HOOK3: variants seen among roughly 807,000 people sequenced by gnomAD.
The protein encoded by HOOK3 is protein Hook homolog 3.
Under a neutral mutation model 116.3 loss-of-function variants are expected in HOOK3, and 24 were observed. The observed-to-expected ratio is 0.21, with a 90% CI of 0.15 to 0.29. HOOK3 has a LOEUF of 0.29. Ranked by LOEUF, HOOK3 falls within the 10% of genes least tolerant of loss-of-function variation. The pLI, the probability that HOOK3 is intolerant of heterozygous loss-of-function variation, is 1.00. For synonymous variants in HOOK3, 275 were observed against 283.0 expected (o/e 0.97, Z 0.28); for missense variants, 632 against 830.2 (o/e 0.76, Z 2.93).
At chr8:42,997,410 A>C in intron 15 of HOOK3, 140 bp from the exon 16 acceptor site, 1 of 590,602 alleles carries the variant, frequency 1.7e-6, no homozygotes. Flanking sequence ...CACTCATGAC[A>C]TTAGGCCACT....
At chr8:42,903,287 C>G (rs1388280908) in intron 1 of HOOK3, among the ~76,000 whole-genome samples, 1 of 151,128 alleles carries the variant, frequency 6.6e-6, no homozygotes, top group Non-Finnish European at 1.5e-5. Context: ...ACCTGCAAAA[C>G]TCTCCTGTAT....
intron 5 of HOOK3, among the ~76,000 whole-genome samples, chr8:42,947,959 G>T (rs1450198924): frequency 6.6e-6 from 1 of 152,112 alleles, no homozygotes; most frequent in Non-Finnish European, 1.5e-5. Context: ...GCATCTGCTA[G>T]GGATGTTGAC....
At chr8:42,936,726 C>T (rs28840077) in intron 4 of HOOK3, among the ~76,000 whole-genome samples, 4,705 of 152,256 alleles carry the variant, frequency 0.031, 266 homozygotes, top group African/African-American at 0.11. Context: ...AGCCTTACAT[C>T]CCAGGGATGA....
chr8:42,909,249 C>G (rs1407635052), intron 2 of HOOK3, among the ~76,000 whole-genome samples: 1 of 152,106 alleles, frequency 6.6e-6, no homozygotes, highest in Non-Finnish European at 1.5e-5. Context: ...GTACAAAAAG[C>G]TAAAAATAGA....
At chr8:42,931,679 G>A (rs1426079493) in intron 4 of HOOK3, among the ~76,000 whole-genome samples, 4 of 151,550 alleles carry the variant, frequency 2.6e-5, no homozygotes, top group Admixed American at 1.3e-4. Flanking sequence ...TGATCTGCCC[G>A]CCTCGGCCTC....
chr8:43,029,491 A>G lies in HOOK3; in HGVS notation c.*10993A>G, dbSNP rs1404999544. The G allele has an allele frequency of 5.5e-6, 1 of 181,486 alleles. No homozygotes were observed. The highest frequency in any genetic ancestry group is 2.4e-5 in the African/African-American group (1 of 42,412). The allele number at this position is 181,486 out of a possible 1,614,324, so 11.2% of individuals were successfully genotyped here. ...ACAGCCTTAGTTATTTATAATTCAA[A>G]TGCACTAAAATATCATCGCTGTCAT... On this transcript the variant is annotated 3_prime_UTR_variant, in exon 22 of 22. Coordinates refer to ENST00000307602, the MANE Select transcript of HOOK3 (RefSeq NM_032410.4).
intron 18 of HOOK3, among the ~76,000 whole-genome samples, 162 bp downstream of exon 18, chr8:43,008,091 T>C (rs556209943): frequency 6.6e-6 from 1 of 152,230 alleles, no homozygotes; most frequent in African/African-American, 2.4e-5. Flanking sequence ...CGATTTTGGC[T>C]CACTGCAAGC....
intron 21 of HOOK3, among the ~76,000 whole-genome samples, chr8:43,017,506 T>C: frequency 6.6e-6 from 1 of 152,220 alleles, no homozygotes; most frequent in Non-Finnish European, 1.5e-5. Flanking sequence ...CCTCAAGTGA[T>C]CTTCCCACCT....
chr8:42,912,198 A>G (rs1345067796), intron 2 of HOOK3, among the ~76,000 whole-genome samples: 1 of 152,190 alleles, frequency 6.6e-6, no homozygotes, highest in Non-Finnish European at 1.5e-5. Flanking sequence ...TGAGCTGACA[A>G]GTGAGAAGCT....
chr8:42,994,170 C>G (rs571966389), intron 15 of HOOK3, among the ~76,000 whole-genome samples: 28 of 152,162 alleles, frequency 1.8e-4, no homozygotes, highest in African/African-American at 6.3e-4. Flanking sequence ...CGTGCACCAC[C>G]ACCCCCGGCT....
chr8:42,937,508 C>A (rs1443464212), intron 4 of HOOK3, among the ~76,000 whole-genome samples: 1 of 152,102 alleles, frequency 6.6e-6, no homozygotes, highest in African/African-American at 2.4e-5. Context: ...ATCTTTCCTG[C>A]TTTCTCCTAT....
intron 17 of HOOK3, among the ~76,000 whole-genome samples, chr8:43,003,156 C>T (rs798827): frequency 6.6e-6 from 1 of 152,016 alleles, no homozygotes; most frequent in South Asian, 2.1e-4. Flanking sequence ...AGTGTTACAA[C>T]TTTACACTGT....
At chr8:43,011,841 C>T (rs145136951) in intron 19 of HOOK3, among the ~76,000 whole-genome samples, 25 of 152,180 alleles carry the variant, frequency 1.6e-4, no homozygotes, top group Non-Finnish European at 2.1e-4. Flanking sequence ...ATCACATCAC[C>T]GCACTCCAGC....
chr8:42,986,609 C>T, intron 14 of HOOK3, 46 bp from the exon 15 acceptor site: 1 of 1,500,966 alleles, frequency 6.7e-7, no homozygotes, highest in East Asian at 2.3e-5. Flanking sequence ...ATTAATGCAC[C>T]AAATGACTGT....
At chr8:42,920,816 T>C (rs1308173375) in intron 2 of HOOK3, among the ~76,000 whole-genome samples, 3 of 152,350 alleles carry the variant, frequency 2.0e-5, no homozygotes, top group South Asian at 2.1e-4. Context: ...AACATAAGGA[T>C]AATAATACCT....
At chr8:42,952,659 C>CCTAT (rs1326679493) in intron 6 of HOOK3, among the ~76,000 whole-genome samples, 1 of 152,210 alleles carries the variant, frequency 6.6e-6, no homozygotes, top group Non-Finnish European at 1.5e-5. Flanking sequence ...AAAGACAACT[C>CCTAT]CTATCTCTAG....
chr8:43,008,728 CG>C (rs1809545146), intron 18 of HOOK3, among the ~76,000 whole-genome samples: 1 of 144,228 alleles, frequency 6.9e-6, no homozygotes, highest in African/African-American at 2.6e-5. Flanking sequence ...GGCGGGATCT[CG>C]GCTCACTGCA....
At chr8:42,908,900 AAGC>A (rs1266930024) in intron 2 of HOOK3, among the ~76,000 whole-genome samples, 1 of 152,230 alleles carries the variant, frequency 6.6e-6, no homozygotes, top group East Asian at 1.9e-4. Context: ...AAATATTTGC[AAGC>A]CATACATCTA....
In HOOK3 at chr8:42,930,179, A is replaced by G; in HGVS notation, c.267+7A>G. The G allele has an allele frequency of 6.5e-7, 1 of 1,529,106 alleles. No homozygotes were observed. Among genetic ancestry groups the G allele is most frequent in the Non-Finnish European group, 8.8e-7 (1 of 1,135,184 alleles). The allele number at this position is 1,529,106 out of a possible 1,614,324, so 94.7% of individuals were successfully genotyped here. ...CTTGGATTATAATCATGAGGTAAAGACTTTTTTCTCATTCTGCTTAGAAGT... is the reference window on the plus strand; with the variant it reads ...CTTGGATTATAATCATGAGGTAAAGGCTTTTTTCTCATTCTGCTTAGAAGT... On this transcript the variant is annotated splice_region_variant and intron_variant, in intron 4 of 21. Transcript: ENST00000307602.
Sources: gnomAD v4.1 joint callset for allele counts (sites outside exome capture counted in the v4.1 genomes callset) on GRCh38, gnomAD v4.1.1 for gene constraint, MANE v1.5 for transcripts, NCBI Gene and HGNC (gene_info 2026-07-23, HGNC 2026-07-21) for gene names.